Variants in SGSM1 observed in about 807,000 individuals in gnomAD.
The protein encoded by SGSM1 is RUN and TBC1 domain containing 2.
In SGSM1, 73 loss-of-function variants were observed where a neutral mutation model predicts 133.8. The observed-to-expected ratio is 0.55, with a 90% CI of 0.45 to 0.66. The LOEUF (loss-of-function observed/expected upper bound fraction) is 0.66. SGSM1 is among the 30% of genes least tolerant of loss of function. The pLI is 0.00. For missense variants in SGSM1, 1,213 were observed against 1,448.1 expected (o/e 0.84, Z 2.64); for synonymous variants, 563 against 573.0 (o/e 0.98, Z 0.25).
intron 22 of SGSM1, among the ~76,000 whole-genome samples, chr22:24,915,400 A>C (rs187748923): frequency 1.3e-5 from 2 of 152,308 alleles, no homozygotes; most frequent in Admixed American, 1.3e-4. Flanking sequence ...AATCACTCTT[A>C]AAGTGATTGT....
In SGSM1 at chr22:24,868,373, C is replaced by T; in HGVS notation, c.995-3C>T. On this transcript the variant is annotated splice_region_variant and splice_polypyrimidine_tract_variant and intron_variant, in intron 10 of 24. Coordinates refer to ENST00000400358, the MANE Select transcript of SGSM1 (RefSeq NM_001098497.3). ...GGTCTTCTCTGGCTGGTGGTGGCGG[C>T]AGTTGACAGCGGCGGGACAGTGGTA... The T allele has an allele frequency of 6.2e-7, 1 of 1,605,616 alleles. No homozygotes were observed. Among genetic ancestry groups the T allele is most frequent in the South Asian group, 1.1e-5 (1 of 90,598 alleles).
In SGSM1 at chr22:24,898,287, G is replaced by C. The variant is rs763112890; in HGVS notation, c.2338G>C (p.Asp780His). 6.2e-7 allele frequency: 1 copy of C among 1,613,960 alleles called. No homozygotes were observed. Among genetic ancestry groups the C allele is most frequent in the South Asian group, 1.1e-5 (1 of 91,086 alleles). The change falls in exon 19 of 25, where the codon GAC becomes CAC. Residue 780 changes from aspartate (D) to histidine (H), a missense_variant. Physicochemically the swap from Asp to His is moderately conservative, Grantham distance 81. Transcript: ENST00000400358. ...EAPREELAVQDSLESDLLANE... is the reference protein window; with the variant it reads ...EAPREELAVQHSLESDLLANE... The stretch of plus-strand genomic sequence containing the variant: ...TCCCCGGGAGGAGCTGGCCGTGCAG[G>C]ACAGCCTGGAGAGTGACCTCCTGGC...
At position 24,855,307 on chromosome 22, in the gene SGSM1, C is replaced by T. The variant is rs759403616; in HGVS notation, c.546C>T (p.Tyr182=). Residue 182 remains tyrosine, a synonymous_variant, in exon 7 of 25, where the codon TAC becomes TAT. Transcript: ENST00000400358. The part of the protein sequence containing the change: ...SLLVGPCALE[Y]TKMKTADHFW... The stretch of plus-strand genomic sequence containing the variant: ...CAGTGGGGCCCTGTGCCCTAGAGTA[C>T]ACCAAGATGAAGACTGCAGATCACT... 2 of 1,612,060 alleles carry T rather than the reference C, an allele frequency of 1.2e-6. No individual in the cohort carries two copies. The highest frequency in any genetic ancestry group is 2.7e-5 in the African/African-American group (2 of 74,868).
intron 2 of SGSM1, among the ~76,000 whole-genome samples, chr22:24,823,362 G>A (rs927342945): frequency 1.3e-5 from 2 of 152,148 alleles, no homozygotes; most frequent in Non-Finnish European, 2.9e-5. Flanking sequence ...CAGCACTTTG[G>A]GAGGCTGAGG....
rs376508684 is a variant in SGSM1 at position 24,886,669 on chromosome 22, G to C, written c.1711G>C (p.Val571Leu). Residue 571 changes from valine to leucine, a missense_variant, in exon 16 of 25, where the codon GTG (valine) becomes CTG (leucine). Val to Leu is a conservative substitution (Grantham distance 32). Transcript: ENST00000400358. ...CATCCAGCCTGAGATCCGCAAGGCC[G>C]TGTGGCCCTTCCTCCTGGGCCACTA... ...GGIQPEIRKA[V>L]WPFLLGHYQF... 6.4e-6 allele frequency: 10 copies of C among 1,569,346 alleles called. No individual in the cohort carries two copies. The highest frequency in any genetic ancestry group is 8.6e-6 in the Non-Finnish European group (10 of 1,157,606).
intron 23 of SGSM1, among the ~76,000 whole-genome samples, chr22:24,918,971 C>T (rs886254010): frequency 2.6e-5 from 4 of 151,554 alleles, no homozygotes; most frequent in African/African-American, 9.7e-5. Context: ...AAACTCCTGA[C>T]CTCAGGTGAT....
At chr22:24,825,232 G>A (rs879391308) in intron 2 of SGSM1, among the ~76,000 whole-genome samples, 2 of 152,134 alleles carry the variant, frequency 1.3e-5, no homozygotes, top group Non-Finnish European at 2.9e-5. Context: ...GGGGACCAGG[G>A]CTGAGGGTCA....
chr22:24,869,349 GTC>G (rs1314150148), intron 12 of SGSM1, among the ~76,000 whole-genome samples: 2 of 152,042 alleles, frequency 1.3e-5, no homozygotes, highest in African/African-American at 4.8e-5. Flanking sequence ...GCGAAACCCT[GTC>G]TCTACAAAAA....
chr22:24,911,535 G>A (rs929169529), intron 21 of SGSM1, among the ~76,000 whole-genome samples: 29 of 152,106 alleles, frequency 1.9e-4, no homozygotes, highest in African/African-American at 6.3e-4. Flanking sequence ...GTGATGGGAT[G>A]AGAAACCTGA....
Position 24,878,100 on chromosome 22 carries a change from C to T in SGSM1, c.1431-1362C>T, listed in dbSNP as rs546379786. On this transcript the variant is annotated intron_variant, in intron 13 of 24. Transcript: ENST00000400358. The stretch of plus-strand genomic sequence containing the variant: ...TGCTGGGATTACAGGCATGAGCCAC[C>T]GCGCCCCGCCTGGAGATTCTCTTAT... Among the ~76,000 whole-genome samples, 176 of 152,194 alleles carry T rather than the reference C, an allele frequency of 1.2e-3. 2 individuals are homozygous for T. The highest frequency in any genetic ancestry group is 1.5e-3 in the South Asian group (7 of 4,822).
chr22:24,855,521 C>A, intron 7 of SGSM1, 28 bp from the exon 8 acceptor site: 4 of 1,613,620 alleles, frequency 2.5e-6, no homozygotes, highest in Non-Finnish European at 3.4e-6. Flanking sequence ...CAGGCCTCAT[C>A]CCTCTGTCTC....
chr22:24,832,318 G>A (rs1465591304), intron 2 of SGSM1, among the ~76,000 whole-genome samples: 1 of 152,230 alleles, frequency 6.6e-6, no homozygotes, highest in Non-Finnish European at 1.5e-5. Context: ...CCATGTCTGT[G>A]TGGCAAGTGC....
intron 21 of SGSM1, among the ~76,000 whole-genome samples, chr22:24,911,546 C>T (rs1933624027): frequency 1.3e-5 from 2 of 152,094 alleles, no homozygotes; most frequent in African/African-American, 4.8e-5. Flanking sequence ...AGAAACCTGA[C>T]AAACACGACC....
chr22:24,817,619 G>A lies in SGSM1; in HGVS notation c.63+11135G>A, dbSNP rs9624617. Among the ~76,000 whole-genome samples, 426 of 152,256 alleles carry A rather than the reference G, an allele frequency of 2.8e-3. 3 individuals carry two copies. Among genetic ancestry groups the A allele is most frequent in the Middle Eastern group, 0.017 (5 of 294 alleles). On this transcript the variant is annotated intron_variant, in intron 2 of 24. Coordinates refer to ENST00000400358, the MANE Select transcript of SGSM1 (RefSeq NM_001098497.3). ...TCCCACCTCAGCCTCCCCAAGTGCT[G>A]GGATTACAGGCGTGAGCCACCGCTC...
chr22:24,806,398 C>T, intron 1 of SGSM1, 43 bp from the exon 2 acceptor site: 1 of 1,513,272 alleles, frequency 6.6e-7, no homozygotes, highest in Non-Finnish European at 8.8e-7. Flanking sequence ...GGCCCCCGCA[C>T]CCTCTCTCGG....
Position 24,900,765 on chromosome 22 carries a change from C to T in SGSM1, c.2611-1068C>T, listed in dbSNP as rs150299165. On this transcript the variant is annotated intron_variant, in intron 19 of 24. Coordinates refer to ENST00000400358, the MANE Select transcript of SGSM1 (RefSeq NM_001098497.3). ...TTCTGATACTTCTAACAACTGAGGC[C>T]CTGATGGCTCTGATTCTGTTTTCTT... 1.9e-3 allele frequency among the ~76,000 whole-genome samples: 296 copies of T among 152,290 alleles called. 6 individuals are homozygous for T. In the East Asian group the frequency reaches 0.033, roughly 17 times the overall value.
rs1301182017 is a variant in SGSM1 at position 24,806,267 on chromosome 22, A to AGCTACCGCC, written c.-56_-48dup. On this transcript the variant is annotated 5_prime_UTR_variant, in exon 1 of 25. Coordinates refer to ENST00000400358, the MANE Select transcript of SGSM1 (RefSeq NM_001098497.3). ...GCAGCAGCAGCGCCGCGGCCGGAGG[A>AGCTACCGCC]GCTACCGCCGCCACCGCCGCCACCG... 11 of 1,379,508 alleles carry AGCTACCGCC rather than the reference A, an allele frequency of 8.0e-6. No individual in the cohort carries two copies. In the South Asian group the frequency reaches 9.8e-5, roughly 12 times the overall value. 85.5% of individuals were successfully genotyped at this position (1,379,508 alleles called of 1,614,324 possible).
chr22:24,837,591 C>CCG (rs111352837), intron 2 of SGSM1, among the ~76,000 whole-genome samples: 42 of 109,566 alleles, frequency 3.8e-4, no homozygotes, highest in Non-Finnish European at 6.0e-4. Context: ...CCCCCCCCCC[C>CCG]TTTCCCAGTC....
intron 3 of SGSM1, among the ~76,000 whole-genome samples, chr22:24,846,002 TTTCTTTC>T (rs1930121999): frequency 6.9e-6 from 1 of 145,176 alleles, no homozygotes; most frequent in South Asian, 2.2e-4. Flanking sequence ...TCTTTCTTTC[TTTCTTTC>T]TTCATTTCTT....
Sources: gnomAD v4.1 joint callset for allele counts (sites outside exome capture counted in the v4.1 genomes callset) on GRCh38, gnomAD v4.1.1 for gene constraint, MANE v1.5 for transcripts, NCBI Gene and HGNC (gene_info 2026-07-23, HGNC 2026-07-21) for gene names.